Variants in EGFR observed in about 807,000 individuals in gnomAD.
EGFR encodes the protein avian erythroblastic leukemia viral (v-erb-b) oncogene homolog.
Under a neutral mutation model 143.0 loss-of-function variants are expected in EGFR, and 58 were observed. That is an observed-to-expected ratio of 0.41 (90% CI 0.33 to 0.50). The LOEUF (loss-of-function observed/expected upper bound fraction) is 0.50, where lower values mean the gene tolerates loss of function less well. EGFR is among the 20% of genes least tolerant of loss of function. EGFR has a pLI of 0.39. For synonymous variants in EGFR, 613 were observed against 594.4 expected, an observed-to-expected ratio of 1.03 and a Z score of -0.45; for missense variants, 1,307 against 1,579.0, an observed-to-expected ratio of 0.83 and a Z score of 2.92.
In EGFR at chr7:55,209,719, A is replaced by G. The variant is rs1394477463; in HGVS notation, c.*4102A>G. 1 of 152,232 alleles carries G rather than the reference A, an allele frequency of 6.6e-6. No individual in the cohort carries two copies. Among genetic ancestry groups the G allele is most frequent in the Non-Finnish European group, 1.5e-5 (1 of 68,046 alleles). The allele number at this position is 152,232 out of a possible 1,614,324, so 9.4% of individuals were successfully genotyped here. Reference sequence around the variant, plus strand: ...CAGCTTTGTACTATTGAAGACACAGACAGGATTTTTAAATGTAAATCTATT... The same window carrying G: ...CAGCTTTGTACTATTGAAGACACAGGCAGGATTTTTAAATGTAAATCTATT... On this transcript the variant is annotated 3_prime_UTR_variant, in exon 28 of 28. Coordinates refer to ENST00000275493, the MANE Select transcript of EGFR (RefSeq NM_005228.5).
Position 55,142,236 on chromosome 7 carries a change from T to G in EGFR, c.89-50T>G, listed in dbSNP as rs375953348. On this transcript the variant is annotated intron_variant, in intron 1 of 27. Coordinates refer to ENST00000275493, the MANE Select transcript of EGFR (RefSeq NM_005228.5). ...ACCTTGAGGGATTGTTTTATTTTAG[T>G]TTTTCTGCATTTCTCAGTATTTCAT... The G allele has an allele frequency of 3.7e-6, 6 of 1,611,520 alleles. No homozygotes were observed. In the African/African-American group the frequency reaches 8.0e-5, roughly 22 times the overall value.
chr7:55,041,419 A>C (rs1017722599), intron 1 of EGFR, among the ~76,000 whole-genome samples: 5 of 152,282 alleles, frequency 3.3e-5, no homozygotes, highest in Admixed American at 3.3e-4. Flanking sequence ...GCAAAAAAAA[A>C]AGAAGTAAGA....
chr7:55,079,184 C>T (rs113410025), intron 1 of EGFR, among the ~76,000 whole-genome samples: 5,582 of 152,106 alleles, frequency 0.037, 237 homozygotes, highest in African/African-American at 0.1. Context: ...GGAAAACTTA[C>T]CACCAGGGGA....
chr7:55,203,923 A>G (rs973903545), intron 27 of EGFR, among the ~76,000 whole-genome samples: 2 of 151,162 alleles, frequency 1.3e-5, no homozygotes, highest in Admixed American at 6.6e-5. Flanking sequence ...TGTCATATAT[A>G]TCAAAATCTT....
intron 1 of EGFR, among the ~76,000 whole-genome samples, chr7:55,127,357 T>C (rs1369283024): frequency 6.6e-6 from 1 of 152,116 alleles, no homozygotes; most frequent in Non-Finnish European, 1.5e-5. Context: ...GTTTTAGTAA[T>C]TCTAAAAATT....
chr7:55,065,951 C>T (rs1251630792), intron 1 of EGFR, among the ~76,000 whole-genome samples: 1 of 151,500 alleles, frequency 6.6e-6, no homozygotes, highest in East Asian at 1.9e-4. Flanking sequence ...GAGAAGGCCT[C>T]CTGAAGCCTG....
intron 1 of EGFR, among the ~76,000 whole-genome samples, chr7:55,055,988 A>T (rs1453543197): frequency 6.6e-6 from 1 of 152,106 alleles, no homozygotes; most frequent in Non-Finnish European, 1.5e-5. Flanking sequence ...TGGCGGGTCC[A>T]TCTGGTTTCT....
chr7:55,201,845 G>GA lies in EGFR; in HGVS notation c.3162+67dup, dbSNP rs17290713. ...CTCCACTATGGCTCTATTTTACATGGAAAATGCCTTAACCTAAATAATTTT... is the reference window on the plus strand; with the variant it reads ...CTCCACTATGGCTCTATTTTACATGGAAAAATGCCTTAACCTAAATAATTTT... On this transcript the variant is annotated intron_variant, in intron 26 of 27. Transcript: ENST00000275493. 8.0e-3 allele frequency: 12,540 copies of GA among 1,561,276 alleles called. 914 individuals are homozygous for GA. The African/African-American group carries it at 0.15, about 19-fold the overall frequency.
chr7:55,039,389 C>A (rs1412588499), intron 1 of EGFR, among the ~76,000 whole-genome samples: 1 of 152,098 alleles, frequency 6.6e-6, no homozygotes, highest in Admixed American at 6.5e-5. Context: ...ATGGTGGAAG[C>A]CTGCAGGAGA....
chr7:55,019,316 G>A lies in EGFR; in HGVS notation c.39G>A (p.Ala13=), dbSNP rs1010599071. 1 of 1,522,024 alleles carries A rather than the reference G, an allele frequency of 6.6e-7. No individual in the cohort carries two copies. The highest frequency in any genetic ancestry group is 1.2e-5 in the South Asian group (1 of 84,094). 94.3% of individuals were successfully genotyped at this position (1,522,024 alleles called of 1,614,324 possible). The change falls in exon 1 of 28, where the codon GCG becomes GCA. Residue 13 remains alanine, a synonymous_variant. Coordinates refer to ENST00000275493, the MANE Select transcript of EGFR (RefSeq NM_005228.5). ...GGACGGCCGGGGCAGCGCTCCTGGC[G>A]CTGCTGGCTGCGCTCTGCCCGGCGA... is the stretch of plus-strand genomic sequence containing the variant. ...PSGTAGAALL[A]LLAALCPASR...
chr7:55,197,088 A>G (rs1262197123), intron 22 of EGFR, among the ~76,000 whole-genome samples: 1 of 152,186 alleles, frequency 6.6e-6, no homozygotes, highest in African/African-American at 2.4e-5. Flanking sequence ...GAATCTATAA[A>G]ATACTTTGGG....
At position 55,154,292 on chromosome 7, in the gene EGFR, C is replaced by G. The variant is rs889104255; in HGVS notation, c.889+140C>G. The stretch of plus-strand genomic sequence containing the variant: ...TGCTTGGAGGAGGCGACCCTGTGCC[C>G]GTCCAGGCACACAGGCGAGGGGAGG... On this transcript the variant is annotated intron_variant, in intron 7 of 27. Coordinates refer to ENST00000275493, the MANE Select transcript of EGFR (RefSeq NM_005228.5). 8 of 1,340,928 alleles carry G rather than the reference C, an allele frequency of 6.0e-6. No homozygotes were observed. In the Admixed American group the frequency reaches 9.7e-5, roughly 16 times the overall value. 83.1% of individuals were successfully genotyped at this position (1,340,928 alleles called of 1,614,324 possible). A position where few individuals can be genotyped will look rare whatever the true frequency, so the allele number is the denominator to read the frequency against.
In EGFR at chr7:55,211,512, T is replaced by A. The variant is rs1352726364; in HGVS notation, c.*5895T>A. On this transcript the variant is annotated 3_prime_UTR_variant, in exon 28 of 28. Coordinates refer to ENST00000275493, the MANE Select transcript of EGFR (RefSeq NM_005228.5). The stretch of plus-strand genomic sequence containing the variant: ...GCAGAATTCTCTTTTATATGGTTTA[T>A]ACTGTTGATCAGAAATGTTGATTGT... 6.6e-6 allele frequency: 1 copy of A among 152,226 alleles called. No homozygotes were observed. The highest frequency in any genetic ancestry group is 1.5e-5 in the Non-Finnish European group (1 of 68,042). 9.4% of individuals were successfully genotyped at this position (152,226 alleles called of 1,614,324 possible). A position where few individuals can be genotyped will look rare whatever the true frequency, so the allele number is the denominator to read the frequency against.
intron 11 of EGFR, among the ~76,000 whole-genome samples, chr7:55,159,636 T>G (rs536995479): frequency 5.9e-5 from 9 of 152,344 alleles, no homozygotes; most frequent in Admixed American, 3.3e-4. Context: ...CAAAATGATC[T>G]GCTTACGGGG....
At chr7:55,090,874 A>G (rs1791067364) in intron 1 of EGFR, among the ~76,000 whole-genome samples, 2 of 152,240 alleles carry the variant, frequency 1.3e-5, no homozygotes, top group South Asian at 4.1e-4. Context: ...AAGAACTGAA[A>G]AATGCATTCT....
intron 27 of EGFR, among the ~76,000 whole-genome samples, chr7:55,203,556 T>TACACACACCACACAC (rs1787962699): frequency 2.8e-5 from 2 of 71,492 alleles, no homozygotes. Flanking sequence ...ACACCACACA[T>TACACACACCACACAC]ACACACACCA....
At position 55,179,492 on chromosome 7, in the gene EGFR, G is replaced by A. The variant is rs117831203; in HGVS notation, c.2284-1801G>A. On this transcript the variant is annotated intron_variant, in intron 19 of 27. Transcript: ENST00000275493. The stretch of plus-strand genomic sequence containing the variant: ...AAGGAAGGAGGAGGTGGGTTCTGGG[G>A]ACAGAGGTTCTCCCGTGGGTAAGGG... Among the ~76,000 whole-genome samples, 957 of 152,334 alleles carry A rather than the reference G, an allele frequency of 6.3e-3. 3 individuals carry two copies. Among genetic ancestry groups the A allele is most frequent in the Non-Finnish European group, 8.1e-3 (551 of 68,026 alleles).
In EGFR at chr7:55,069,231, G is replaced by A. The variant is rs1326395001; in HGVS notation, c.88+49866G>A. Among the ~76,000 whole-genome samples the A allele has an allele frequency of 3.3e-5, 5 of 152,274 alleles. No individual in the cohort carries two copies. The East Asian group carries it at 9.6e-4, about 29-fold the overall frequency. On this transcript the variant is annotated intron_variant, in intron 1 of 27. Coordinates refer to ENST00000275493, the MANE Select transcript of EGFR (RefSeq NM_005228.5). ...GACAATTCATTCTCCTGAAACTGCT[G>A]TTCATGTAAAAAGGAATTTTATCGA...
At chr7:55,063,745 G>A (rs117432187) in intron 1 of EGFR, among the ~76,000 whole-genome samples, 1 of 152,296 alleles carries the variant, frequency 6.6e-6, no homozygotes, top group East Asian at 1.9e-4. Flanking sequence ...AGGATGGAGT[G>A]GCAGATGAAG....
Sources: allele counts gnomAD v4.1 joint callset (sites outside exome capture counted in the v4.1 genomes callset), GRCh38; gene constraint gnomAD v4.1.1; transcripts MANE v1.5; gene names NCBI Gene and HGNC (gene_info 2026-07-23, HGNC 2026-07-21).